Variants in TRAPPC9 observed in about 807,000 individuals in gnomAD.
TRAPPC9 encodes the protein trafficking protein particle complex subunit 9, also known as IKK2 binding protein.
Under a neutral mutation model 124.0 loss-of-function variants are expected in TRAPPC9, and 83 were observed. That is an observed-to-expected ratio of 0.67 (90% CI 0.56 to 0.80). The LOEUF is 0.80. Ranked by LOEUF, TRAPPC9 falls within the 30% of genes least tolerant of loss-of-function variation. The pLI is 0.00. For missense variants in TRAPPC9, 1,302 were observed against 1,508.3 expected (o/e 0.86, Z 2.27); for synonymous variants, 638 against 617.5 (o/e 1.03, Z -0.49).
chr8:139,921,680 A>G (rs1412839509), intron 19 of TRAPPC9, among the ~76,000 whole-genome samples: 2 of 146,740 alleles, frequency 1.4e-5, no homozygotes, highest in African/African-American at 2.5e-5. Flanking sequence ...CAGGTGGACT[A>G]GTGCATGCAG....
intron 9 of TRAPPC9, among the ~76,000 whole-genome samples, chr8:140,319,882 T>G (rs1187338389): frequency 1.3e-5 from 2 of 152,234 alleles, no homozygotes; most frequent in African/African-American, 4.8e-5. Context: ...GCCATTTAAA[T>G]GGACACTGGC....
intron 16 of TRAPPC9, among the ~76,000 whole-genome samples, chr8:140,249,435 G>A: frequency 6.6e-6 from 1 of 151,926 alleles, no homozygotes; most frequent in Non-Finnish European, 1.5e-5. Flanking sequence ...CACTACTGAT[G>A]GCCACTTAGG....
chr8:140,052,074 G>T (rs1205961386), intron 17 of TRAPPC9, among the ~76,000 whole-genome samples: 1 of 151,962 alleles, frequency 6.6e-6, no homozygotes, highest in Non-Finnish European at 1.5e-5. Flanking sequence ...ACCAGAGGAG[G>T]AAGGCAGAGC....
intron 21 of TRAPPC9, among the ~76,000 whole-genome samples, chr8:139,844,847 G>T (rs906862041): frequency 6.6e-6 from 1 of 152,158 alleles, no homozygotes; most frequent in African/African-American, 2.4e-5. Flanking sequence ...GCCTTTGCCC[G>T]GGGCCCCCAG....
chr8:140,458,359 G>A, upstream of TRAPPC9: 1 of 1,589,988 alleles, frequency 6.3e-7, no homozygotes, highest in South Asian at 1.1e-5. Context: ...AGCCCACTGT[G>A]GATCCCTGCG....
chr8:140,032,451 A>G (rs1223999051), intron 17 of TRAPPC9, among the ~76,000 whole-genome samples: 1 of 152,086 alleles, frequency 6.6e-6, no homozygotes, highest in East Asian at 1.9e-4. Flanking sequence ...CAATAAATAC[A>G]TAAATTACAC....
chr8:140,290,871 G>A, intron 12 of TRAPPC9, 122 bp downstream of exon 12: 1 of 814,562 alleles, frequency 1.2e-6, no homozygotes, highest in South Asian at 1.4e-5. Context: ...ATATGCTTTG[G>A]CAAAACAAAC....
intron 21 of TRAPPC9, among the ~76,000 whole-genome samples, chr8:139,783,587 C>A (rs1821981904): frequency 6.6e-6 from 1 of 152,158 alleles, no homozygotes; most frequent in African/African-American, 2.4e-5. Context: ...GCAGATTCTA[C>A]CAAACATTGA....
intron 17 of TRAPPC9, among the ~76,000 whole-genome samples, chr8:140,155,625 C>A (rs1285958488): frequency 6.6e-6 from 1 of 152,170 alleles, no homozygotes; most frequent in Non-Finnish European, 1.5e-5. Flanking sequence ...ATTAAAAGGA[C>A]AATCTCGTTT....
intron 5 of TRAPPC9, among the ~76,000 whole-genome samples, chr8:140,415,883 G>A (rs1411799741): frequency 6.6e-6 from 1 of 152,086 alleles, no homozygotes; most frequent in African/African-American, 2.4e-5. Flanking sequence ...AGGATCACTT[G>A]AGCACAGGAG....
At chr8:140,150,403 C>G (rs1033025767) in intron 17 of TRAPPC9, among the ~76,000 whole-genome samples, 1 of 152,200 alleles carries the variant, frequency 6.6e-6, no homozygotes, top group Non-Finnish European at 1.5e-5. Flanking sequence ...GAGCCGAGAT[C>G]ACGCCACTGC....
At chr8:139,747,194 C>T (rs983680782) in intron 21 of TRAPPC9, among the ~76,000 whole-genome samples, 8 of 152,186 alleles carry the variant, frequency 5.3e-5, no homozygotes, top group Admixed American at 2.0e-4. Flanking sequence ...GCAGGCCCCC[C>T]GCCCCCACCG....
At chr8:140,404,593 T>C (rs1240999581) in intron 6 of TRAPPC9, among the ~76,000 whole-genome samples, 2 of 152,180 alleles carry the variant, frequency 1.3e-5, no homozygotes, top group African/African-American at 4.8e-5. Context: ...CTGTGGTCTA[T>C]GAGATACTGC....
chr8:139,886,667 G>C (rs1830036007), intron 20 of TRAPPC9, among the ~76,000 whole-genome samples: 1 of 152,204 alleles, frequency 6.6e-6, no homozygotes, highest in Non-Finnish European at 1.5e-5. Context: ...TCTAGTGACT[G>C]CAAAAGTGGA....
chr8:139,996,200 G>GAA (rs1837983697), intron 18 of TRAPPC9, among the ~76,000 whole-genome samples: 1 of 49,204 alleles, frequency 2.0e-5, no homozygotes, highest in African/African-American at 7.5e-5. Flanking sequence ...AAGAAAAAAA[G>GAA]AAAAATTCAC....
chr8:140,272,328 T>C (rs1023961482), intron 15 of TRAPPC9, among the ~76,000 whole-genome samples: 2 of 145,942 alleles, frequency 1.4e-5, no homozygotes, highest in Non-Finnish European at 3.0e-5. Context: ...ATAGTGGTGA[T>C]GGTGGTTTTG....
At chr8:140,414,090 G>A (rs2069812319) in intron 5 of TRAPPC9, among the ~76,000 whole-genome samples, 1 of 151,916 alleles carries the variant, frequency 6.6e-6, no homozygotes, top group Admixed American at 6.6e-5. Flanking sequence ...TAAAAATTCT[G>A]GAATAAGACT....
chr8:140,423,754 A>T (rs367585864), intron 5 of TRAPPC9, among the ~76,000 whole-genome samples: 2 of 143,612 alleles, frequency 1.4e-5, no homozygotes, highest in East Asian at 3.9e-4. Flanking sequence ...ATATATATAC[A>T]TATATATATA....
chr8:140,434,288 T>A (rs1236279438), intron 4 of TRAPPC9, among the ~76,000 whole-genome samples: 1 of 152,204 alleles, frequency 6.6e-6, no homozygotes, highest in African/African-American at 2.4e-5. Context: ...GATGACTAAA[T>A]CCTGAGCCAT....
Sources: allele counts gnomAD v4.1 joint callset (sites outside exome capture counted in the v4.1 genomes callset), GRCh38; gene constraint gnomAD v4.1.1; transcripts MANE v1.5; gene names NCBI Gene and HGNC (gene_info 2026-07-23, HGNC 2026-07-21).